Variants in BCAS3 observed in about 807,000 individuals in gnomAD.
The protein encoded by BCAS3 is BCAS3 microtubule associated cell migration factor.
In BCAS3, 53 loss-of-function variants were observed where a neutral mutation model predicts 116.1. The ratio of observed to expected loss-of-function variants is 0.46; its 90% confidence interval spans 0.37 to 0.57. The LOEUF (loss-of-function observed/expected upper bound fraction) is 0.57, where lower values mean the gene tolerates loss of function less well. Ranked by LOEUF, BCAS3 falls within the 20% of genes least tolerant of loss-of-function variation. The pLI is 0.00. For synonymous variants in BCAS3, 391 were observed against 408.2 expected, an observed-to-expected ratio of 0.96 and a Z score of 0.51; for missense variants, 917 against 1,165.4, an observed-to-expected ratio of 0.79 and a Z score of 3.10.
At chr17:60,973,597 A>G (rs1379022605) in intron 14 of BCAS3, among the ~76,000 whole-genome samples, 1 of 148,426 alleles carries the variant, frequency 6.7e-6, no homozygotes, top group Non-Finnish European at 1.5e-5. Flanking sequence ...ATATATATAT[A>G]TATATATATA....
intron 7 of BCAS3, among the ~76,000 whole-genome samples, chr17:60,817,887 C>T (rs1158976704): frequency 1.3e-5 from 2 of 149,006 alleles, no homozygotes; most frequent in African/African-American, 5.0e-5. Context: ...CAGAGTCTCA[C>T]TCTGTCACCC....
At chr17:61,334,689 A>C (rs999714322) in intron 22 of BCAS3, among the ~76,000 whole-genome samples, 4 of 145,882 alleles carry the variant, frequency 2.7e-5, no homozygotes, top group African/African-American at 7.7e-5. Context: ...AAAAAAAAAA[A>C]CACCAAGAAA....
At chr17:61,183,829 G>T (rs1408528336) in intron 22 of BCAS3, among the ~76,000 whole-genome samples, 2 of 152,238 alleles carry the variant, frequency 1.3e-5, no homozygotes, top group Non-Finnish European at 2.9e-5. Flanking sequence ...GAAAGCCAAA[G>T]AAATTTACAT....
chr17:61,304,877 C>T (rs2053723335), intron 22 of BCAS3, among the ~76,000 whole-genome samples: 1 of 152,076 alleles, frequency 6.6e-6, no homozygotes, highest in Non-Finnish European at 1.5e-5. Flanking sequence ...CCTCAGCCTC[C>T]TGAGTAGCTG....
rs973720874 is a variant in BCAS3 at position 60,961,908 on chromosome 17, T to C, written c.1221+14556T>C. 5.9e-5 allele frequency among the ~76,000 whole-genome samples: 9 copies of C among 152,304 alleles called. No homozygotes were observed. The highest frequency in any genetic ancestry group is 1.3e-4 in the Admixed American group (2 of 15,302). ...TACAAAAGGATCAAAGATCCACTTT[T>C]GTAGTTCCCACCTAGGAGTGAGATC... On this transcript the variant is annotated intron_variant, in intron 14 of 23. Coordinates refer to ENST00000407086, the MANE Select transcript of BCAS3 (RefSeq NM_017679.5). This position sits in a 1 kb window ranked among gnomAD's most constrained non-coding sequence, Gnocchi z 4.8.
rs190508555 is a variant in BCAS3, at chr17:61,237,363, G to A, written c.2426-130964G>A. ...ATCAGGATCCTAAAAGTAGCCAATC[G>A]CAAGGAGGATTGAAAAAAGGGCATT... On this transcript the variant is annotated intron_variant, in intron 22 of 23. Coordinates refer to ENST00000407086, the MANE Select transcript of BCAS3 (RefSeq NM_017679.5). Among the ~76,000 whole-genome samples the A allele has an allele frequency of 3.1e-3, 471 of 152,296 alleles. 3 individuals carry two copies. Among genetic ancestry groups the A allele is most frequent in the African/African-American group, 0.011 (448 of 41,566 alleles).
intron 22 of BCAS3, among the ~76,000 whole-genome samples, chr17:61,197,995 A>G (rs2080585197): frequency 6.6e-6 from 1 of 152,230 alleles, no homozygotes; most frequent in Non-Finnish European, 1.5e-5. Flanking sequence ...CTATCTATAT[A>G]GTAATGAATA....
At chr17:60,727,361 T>C in intron 5 of BCAS3, 1 of 1,534,476 alleles carries the variant, frequency 6.5e-7, no homozygotes, top group East Asian at 2.3e-5. Context: ...CTGCTTCCGA[T>C]CATAGCGCCT....
At chr17:60,780,093 G>T (rs932345224) in intron 6 of BCAS3, among the ~76,000 whole-genome samples, 1 of 151,288 alleles carries the variant, frequency 6.6e-6, no homozygotes, top group African/African-American at 2.4e-5. Flanking sequence ...GGATTCAAGC[G>T]ATTCTTCTGC....
At chr17:60,974,809 A>C (rs1267009955) in intron 14 of BCAS3, among the ~76,000 whole-genome samples, 2 of 152,068 alleles carry the variant, frequency 1.3e-5, no homozygotes, top group African/African-American at 2.4e-5. Flanking sequence ...ATACTTAAAA[A>C]CTCTAAATTG....
chr17:61,339,599 C>T lies in BCAS3; in HGVS notation c.2426-28728C>T, dbSNP rs2143214334. Among the ~76,000 whole-genome samples the T allele has an allele frequency of 6.6e-6, 1 of 152,160 alleles. No homozygotes were observed. The highest frequency in any genetic ancestry group is 2.1e-4 in the South Asian group (1 of 4,814). On this transcript the variant is annotated intron_variant, in intron 22 of 23. Transcript: ENST00000407086. This position sits in a 1 kb window ranked among gnomAD's most constrained non-coding sequence, Gnocchi z 4.4. ...TAGCCAACATGGTGAAACCCCTTCT[C>T]TACTAAGAATACAAAAATTAGCCGG...
chr17:61,031,340 A>G (rs2066624302), intron 16 of BCAS3, among the ~76,000 whole-genome samples: 1 of 152,072 alleles, frequency 6.6e-6, no homozygotes. Context: ...ATTTTGTGAT[A>G]GAAATATTCT....
At chr17:61,148,450 T>C (rs2077364940) in intron 22 of BCAS3, among the ~76,000 whole-genome samples, 1 of 152,230 alleles carries the variant, frequency 6.6e-6, no homozygotes, top group Non-Finnish European at 1.5e-5. Flanking sequence ...GTGGGGGTTA[T>C]ACAGCAAATT....
chr17:61,373,092 C>CT lies in BCAS3; in HGVS notation c.2593+4612dup, dbSNP rs34754126. Reference sequence around the variant, plus strand: ...GTCCAGATCCGTGTGTAAAGTATTCCTTTTTTTTTTTTTTCTGAGACGGAG... The same window carrying CT: ...GTCCAGATCCGTGTGTAAAGTATTCCTTTTTTTTTTTTTTTCTGAGACGGAG... On this transcript the variant is annotated intron_variant, in intron 23 of 23. Coordinates refer to ENST00000407086, the MANE Select transcript of BCAS3 (RefSeq NM_017679.5). 8.5e-4 allele frequency among the ~76,000 whole-genome samples: 123 copies of CT among 145,464 alleles called. 1 individual carries two copies. Among genetic ancestry groups the CT allele is most frequent in the Middle Eastern group, 3.5e-3 (1 of 284 alleles).
chr17:60,742,426 CTT>C (rs1173664552), intron 5 of BCAS3, among the ~76,000 whole-genome samples: 8 of 103,462 alleles, frequency 7.7e-5, no homozygotes, highest in Admixed American at 4.2e-4. Context: ...TCCTTGACAT[CTT>C]TTTTTTTTTT....
chr17:60,678,400 C>G (rs1477041857), intron 1 of BCAS3, among the ~76,000 whole-genome samples: 1 of 152,116 alleles, frequency 6.6e-6, no homozygotes, highest in African/African-American at 2.4e-5. Context: ...TCGGTGCCTT[C>G]AAGATGAGTT....
intron 23 of BCAS3, among the ~76,000 whole-genome samples, chr17:61,385,411 C>A (rs369967280): frequency 6.6e-6 from 1 of 152,232 alleles, no homozygotes; most frequent in African/African-American, 2.4e-5. Context: ...CCAAGTTGAT[C>A]GCTTGGGGCA....
intron 9 of BCAS3, among the ~76,000 whole-genome samples, chr17:60,875,922 T>C (rs1158937905): frequency 1.3e-5 from 2 of 152,050 alleles, no homozygotes; most frequent in Non-Finnish European, 1.5e-5. Context: ...TAATGGACAG[T>C]CTTTTTCATT....
chr17:60,840,046 A>G (rs1210645035), intron 7 of BCAS3, among the ~76,000 whole-genome samples: 1 of 149,876 alleles, frequency 6.7e-6, no homozygotes, highest in Non-Finnish European at 1.5e-5. Context: ...TATTGCATTA[A>G]AAAAAAAACC....
Sources: allele counts gnomAD v4.1 joint callset (sites outside exome capture counted in the v4.1 genomes callset), GRCh38; gene constraint gnomAD v4.1.1; non-coding constraint Gnocchi (gnomAD v3.1); transcripts MANE v1.5; gene names NCBI Gene and HGNC (gene_info 2026-07-23, HGNC 2026-07-21).